Variants in STK3 observed in about 807,000 individuals in gnomAD.
STK3 encodes serine/threonine kinase 3.
In STK3, 41 loss-of-function variants were observed where a neutral mutation model predicts 58.0. The ratio of observed to expected loss-of-function variants is 0.71; its 90% CI spans 0.55 to 0.92. STK3 has a LOEUF of 0.92. Among genes scored for constraint, STK3 ranks in the 40% least tolerant of loss-of-function variants. The pLI is 0.00. For missense variants in STK3, 479 were observed against 602.7 expected (o/e 0.79, Z 2.15); for synonymous variants, 170 against 191.0 (o/e 0.89, Z 0.91).
chr8:98,795,613 C>A (rs1007822501), intron 1 of STK3, among the ~76,000 whole-genome samples: 1 of 152,066 alleles, frequency 6.6e-6, no homozygotes, highest in Non-Finnish European at 1.5e-5. Context: ...TATCTCTTCA[C>A]GGAAAATATG....
At chr8:98,625,133 A>C (rs1341567963) in intron 6 of STK3, among the ~76,000 whole-genome samples, 2 of 152,204 alleles carry the variant, frequency 1.3e-5, no homozygotes, top group Non-Finnish European at 2.9e-5. Context: ...ACAAAAAAAG[A>C]AAGCCAGCTA....
intron 10 of STK3, among the ~76,000 whole-genome samples, chr8:98,490,921 A>G (rs1225412347): frequency 6.6e-6 from 1 of 152,218 alleles, no homozygotes; most frequent in Non-Finnish European, 1.5e-5. Context: ...TCTTCCTGAG[A>G]TGATTCAGAT....
intron 6 of STK3, among the ~76,000 whole-genome samples, chr8:98,641,389 A>AT (rs1820004075): frequency 6.6e-6 from 1 of 152,188 alleles, no homozygotes; most frequent in South Asian, 2.1e-4. Context: ...GTTCTACACC[A>AT]TTTTGTCAAA....
chr8:98,843,026 A>G (rs1016421585), intron 3 of STK3, among the ~76,000 whole-genome samples: 2 of 151,524 alleles, frequency 1.3e-5, no homozygotes, highest in South Asian at 2.1e-4. Flanking sequence ...AAAATAAATA[A>G]ATAAATAAAG....
chr8:98,401,924 T>TA (rs538076912), intron 3 of STK3, among the ~76,000 whole-genome samples: 2 of 151,952 alleles, frequency 1.3e-5, no homozygotes, highest in East Asian at 1.9e-4. Context: ...GCATGCATTG[T>TA]AAAAAAAATT....
chr8:98,581,544 G>C (rs1173097175), intron 7 of STK3, among the ~76,000 whole-genome samples: 2 of 151,850 alleles, frequency 1.3e-5, no homozygotes, highest in Non-Finnish European at 2.9e-5. Context: ...TTTAGCCTTT[G>C]CTGGTGACCG....
intron 2 of STK3, among the ~76,000 whole-genome samples, chr8:98,768,128 T>C (rs1358236988): frequency 2.0e-5 from 3 of 152,220 alleles, no homozygotes; most frequent in Non-Finnish European, 2.9e-5. Context: ...AACACTACTA[T>C]GTACTGAGTT....
intron 6 of STK3, among the ~76,000 whole-genome samples, chr8:98,652,126 C>T (rs535251870): frequency 3.9e-5 from 6 of 152,152 alleles, no homozygotes; most frequent in East Asian, 1.9e-4. Flanking sequence ...AGACCAACAG[C>T]GGATCTCTCG....
chr8:98,820,959 C>T (rs1834857743), intron 1 of STK3, among the ~76,000 whole-genome samples: 2 of 151,978 alleles, frequency 1.3e-5, no homozygotes, highest in African/African-American at 4.8e-5. Context: ...GCCTGGGCAA[C>T]AGAGCAAGAT....
intron 6 of STK3, among the ~76,000 whole-genome samples, chr8:98,688,798 C>T (rs1047492861): frequency 5.9e-5 from 9 of 152,060 alleles, no homozygotes; most frequent in African/African-American, 1.9e-4. Context: ...GTTTAGAATG[C>T]TAAATGCCTA....
chr8:98,349,202 A>G, the STK3 span, among the ~76,000 whole-genome samples: 1 of 152,238 alleles, frequency 6.6e-6, no homozygotes, highest in Admixed American at 6.5e-5. Context: ...AAAAGGCAGA[A>G]CTACAGAGAT....
At chr8:98,643,951 G>A (rs983630988) in intron 6 of STK3, among the ~76,000 whole-genome samples, 1 of 152,020 alleles carries the variant, frequency 6.6e-6, no homozygotes, top group African/African-American at 2.4e-5. Flanking sequence ...AGATATTTGA[G>A]GCTGTAGTTA....
downstream of STK3, among the ~76,000 whole-genome samples, chr8:98,397,111 T>C (rs1817903640): frequency 1.3e-5 from 2 of 152,188 alleles, no homozygotes; most frequent in Admixed American, 6.5e-5. Flanking sequence ...GTTACCCTTA[T>C]AACCAAACAG....
intron 1 of STK3, among the ~76,000 whole-genome samples, chr8:98,941,104 A>T (rs543918988): frequency 6.6e-6 from 1 of 152,310 alleles, no homozygotes; most frequent in South Asian, 2.1e-4. Context: ...CGCCACGCAG[A>T]GCTCGGCCGG....
chr8:98,408,512 G>C (rs902449379), intron 3 of STK3, among the ~76,000 whole-genome samples: 1 of 152,192 alleles, frequency 6.6e-6, no homozygotes, highest in African/African-American at 2.4e-5. Context: ...AATTCAGCAA[G>C]TCTACCCAAT....
At position 98,810,804 on chromosome 8, in the gene STK3, A is replaced by G. The variant is rs886434414; in HGVS notation, c.26+14711T>C. On this transcript the variant is annotated intron_variant, in intron 1 of 10. Coordinates refer to ENST00000419617, the MANE Select transcript of STK3 (RefSeq NM_006281.4). ...GTAGGAAGTGTTTGGGTCATGGGGG[A>G]GGATCCTTCATGAATGGCTTGGTGT... Among the ~76,000 whole-genome samples the G allele has an allele frequency of 2.0e-5, 3 of 151,976 alleles. No individual in the cohort carries two copies. The East Asian group carries it at 5.8e-4, about 29-fold the overall frequency.
intron 1 of STK3, chr8:98,437,292 A>G (rs1371573122): frequency 2.6e-5 from 4 of 152,340 alleles, no homozygotes; most frequent in African/African-American, 9.6e-5. Flanking sequence ...GAGCTTTGTA[A>G]CAAGGGACAC....
intron 6 of STK3, among the ~76,000 whole-genome samples, chr8:98,683,413 C>A (rs1294924626): frequency 1.3e-5 from 2 of 151,928 alleles, no homozygotes; most frequent in Non-Finnish European, 2.9e-5. Context: ...AGTATTAACA[C>A]CACAGAAGTA....
chr8:98,426,488 C>T (rs541140858), intron 3 of STK3, among the ~76,000 whole-genome samples: 2 of 152,200 alleles, frequency 1.3e-5, no homozygotes, highest in Non-Finnish European at 2.9e-5. Context: ...GCGACTCCCG[C>T]CCCCGCCGTG....
Sources: gnomAD v4.1 joint callset for allele counts (sites outside exome capture counted in the v4.1 genomes callset) on GRCh38, gnomAD v4.1.1 for gene constraint, MANE v1.5 for transcripts, NCBI Gene and HGNC (gene_info 2026-07-23, HGNC 2026-07-21) for gene names.